The following IPCEF1 variants were observed in gnomAD, a reference collection of about 807,000 sequenced individuals.
The protein encoded by IPCEF1 is interactor protein for cytohesin exchange factors 1.
In IPCEF1, 31 loss-of-function variants were observed where a neutral mutation model predicts 50.9. That is an observed-to-expected ratio of 0.61 (90% CI 0.46 to 0.82). The LOEUF (loss-of-function observed/expected upper bound fraction) is 0.82. Among genes scored for constraint, IPCEF1 ranks in the 40% least tolerant of loss-of-function variants. The pLI, the probability that IPCEF1 is intolerant of heterozygous loss-of-function variation, is 0.00. For missense variants in IPCEF1, 458 were observed against 514.0 expected, an observed-to-expected ratio of 0.89 and a Z score of 1.05; for synonymous variants, 181 against 192.0, an observed-to-expected ratio of 0.94 and a Z score of 0.47.
intron 1 of IPCEF1, among the ~76,000 whole-genome samples, chr6:154,348,296 G>A (rs1209001500): frequency 6.6e-6 from 1 of 152,184 alleles, no homozygotes; most frequent in Admixed American, 6.5e-5. Context: ...GAAAATCCAA[G>A]TGTGGAAAAC....
chr6:154,281,610 C>A (rs1782212958), intron 2 of IPCEF1, among the ~76,000 whole-genome samples: 1 of 151,902 alleles, frequency 6.6e-6, no homozygotes, highest in African/African-American at 2.4e-5. Context: ...GCCTGTAATC[C>A]CAGCACTTTG....
At chr6:154,297,938 G>A (rs1782704348) in intron 1 of IPCEF1, among the ~76,000 whole-genome samples, 1 of 152,206 alleles carries the variant, frequency 6.6e-6, no homozygotes, top group African/African-American at 2.4e-5. Flanking sequence ...GCAGTGCTCT[G>A]AAGAGCATTC....
Position 154,223,183 on chromosome 6 carries a change from A to T in IPCEF1, c.307T>A (p.Cys103Ser), listed in dbSNP as rs1444716795. The change falls in exon 6 of 12, where the codon TGC becomes AGC. Residue 103 changes from cysteine (C) to serine (S), a missense_variant. Transcript: ENST00000367220. ...PDFTVERASE[C>S]KKKHAFKISH... ...GAGACAACTTACTGCTTTTTCTTGC[A>T]TTCAGATGCTCTTTCCACAGTGAAA... 2 of 1,613,728 alleles carry T rather than the reference A, an allele frequency of 1.2e-6. No individual in the cohort carries two copies. Among genetic ancestry groups the T allele is most frequent in the South Asian group, 2.2e-5 (2 of 91,066 alleles).
At chr6:154,223,363 C>T (rs1779013310) in intron 5 of IPCEF1, 120 bp from the exon 6 acceptor site, 2 of 766,508 alleles carry the variant, frequency 2.6e-6, no homozygotes, top group Non-Finnish European at 4.4e-6. Flanking sequence ...CAAGAGATAC[C>T]AACCACCCTG....
intron 10 of IPCEF1, among the ~76,000 whole-genome samples, chr6:154,192,308 C>T (rs1801960278): frequency 1.5e-5 from 2 of 132,582 alleles, no homozygotes; most frequent in African/African-American, 3.1e-5. Context: ...AAATGGTGGC[C>T]ACGTGGTTAC....
chr6:154,247,108 C>T (rs541264838), intron 4 of IPCEF1: 78 of 389,582 alleles, frequency 2.0e-4, no homozygotes, highest in African/African-American at 1.5e-3. Context: ...GTAAGGCTGG[C>T]GGGCATATCA....
At chr6:154,193,610 C>T (rs1483440490) in intron 10 of IPCEF1, among the ~76,000 whole-genome samples, 4 of 152,094 alleles carry the variant, frequency 2.6e-5, no homozygotes, top group African/African-American at 9.7e-5. Flanking sequence ...AGAAAGAAAA[C>T]CAAGGATTTA....
intron 2 of IPCEF1, among the ~76,000 whole-genome samples, chr6:154,267,935 A>G (rs546651141): frequency 1.6e-4 from 24 of 152,330 alleles, no homozygotes; most frequent in African/African-American, 5.5e-4. Context: ...TTATGGCCTC[A>G]GAGGTGAGGA....
intron 5 of IPCEF1, among the ~76,000 whole-genome samples, chr6:154,228,109 T>G (rs565036633): frequency 6.6e-6 from 1 of 152,260 alleles, no homozygotes; most frequent in East Asian, 1.9e-4. Flanking sequence ...TTGCCTATTA[T>G]ATTAACTAAA....
intron 10 of IPCEF1, among the ~76,000 whole-genome samples, chr6:154,169,897 C>T (rs1799740731): frequency 6.6e-6 from 1 of 152,078 alleles, no homozygotes; most frequent in South Asian, 2.1e-4. Flanking sequence ...TCTCTTTTTT[C>T]TTAAGCTGAA....
At position 154,199,889 on chromosome 6, in the gene IPCEF1, G is replaced by C; in HGVS notation, c.689C>G (p.Ser230Cys). The C allele has an allele frequency of 6.2e-7, 1 of 1,614,182 alleles. No homozygotes were observed. The highest frequency in any genetic ancestry group is 8.5e-7 in the Non-Finnish European group (1 of 1,180,022). Residue 230 changes from serine (S) to cysteine (C), a missense_variant, in exon 10 of 12, where the codon TCT becomes TGT. By Grantham distance (112) the Ser-to-Cys change is moderately radical. Transcript: ENST00000367220. ...QSLPDTVNSL[S>C]AAEDEGQPIT... The stretch of plus-strand genomic sequence containing the variant: ...TGGTTGTCCCTCATCTTCAGCAGCA[G>C]ACAAACTGTTAACTGTGTCAGGCAA...
chr6:154,281,190 A>AC (rs1398443052), intron 2 of IPCEF1, among the ~76,000 whole-genome samples: 1 of 133,158 alleles, frequency 7.5e-6, no homozygotes, highest in Admixed American at 7.0e-5. Context: ...AATACAAAAA[A>AC]AAAAAAAAAA....
chr6:154,206,874 AG>A lies in IPCEF1; in HGVS notation c.537+5895del, dbSNP rs1437918037. Among the ~76,000 whole-genome samples, 8 of 152,364 alleles carry A rather than the reference AG, an allele frequency of 5.3e-5. 1 individual carries two copies. The highest frequency in any genetic ancestry group is 3.4e-3 in the Middle Eastern group (1 of 294). Reference sequence around the variant, plus strand: ...CAGGCCGTTTGTTGGGCTGACGATAAGGGCAAAATTGGCAGCAAGACTGCAA... The same window carrying A: ...CAGGCCGTTTGTTGGGCTGACGATAAGGCAAAATTGGCAGCAAGACTGCAA... On this transcript the variant is annotated intron_variant, in intron 9 of 11. Coordinates refer to ENST00000367220, the MANE Select transcript of IPCEF1 (RefSeq NM_001130700.2).
At chr6:154,311,709 T>C (rs1312911964) in intron 1 of IPCEF1, among the ~76,000 whole-genome samples, 1 of 152,176 alleles carries the variant, frequency 6.6e-6, no homozygotes, top group Non-Finnish European at 1.5e-5. Flanking sequence ...TCACTAATCA[T>C]TACAAAAATA....
intron 11 of IPCEF1, among the ~76,000 whole-genome samples, chr6:154,165,261 G>A (rs1799334939): frequency 6.6e-6 from 1 of 152,086 alleles, no homozygotes; most frequent in South Asian, 2.1e-4. Flanking sequence ...CCCGCACCCA[G>A]CACTCAGAAG....
chr6:154,255,027 T>C (rs1327852468), intron 3 of IPCEF1, among the ~76,000 whole-genome samples: 1 of 152,350 alleles, frequency 6.6e-6, no homozygotes, highest in Non-Finnish European at 1.5e-5. Context: ...TCTCTTGTTA[T>C]TGCAGTCTAC....
intron 11 of IPCEF1, among the ~76,000 whole-genome samples, chr6:154,167,418 G>A (rs1239268933): frequency 6.6e-6 from 1 of 152,190 alleles, no homozygotes; most frequent in Non-Finnish European, 1.5e-5. Context: ...CTTGGCTGCA[G>A]TGCCCACAGC....
At chr6:154,228,239 A>G (rs1302949134) in intron 5 of IPCEF1, among the ~76,000 whole-genome samples, 1 of 151,948 alleles carries the variant, frequency 6.6e-6, no homozygotes, top group African/African-American at 2.4e-5. Context: ...GCCGAGGCAG[A>G]AAGATCACTT....
At chr6:154,341,842 T>C (rs181841602) in intron 1 of IPCEF1, among the ~76,000 whole-genome samples, 6 of 152,350 alleles carry the variant, frequency 3.9e-5, no homozygotes, top group South Asian at 4.1e-4. Context: ...TAATTTATAA[T>C]GTCTGTATGC....
Sources: allele counts gnomAD v4.1 joint callset (sites outside exome capture counted in the v4.1 genomes callset), GRCh38; gene constraint gnomAD v4.1.1; transcripts MANE v1.5; gene names NCBI Gene and HGNC (gene_info 2026-07-23, HGNC 2026-07-21).